The following ZMAT4 variants were observed in gnomAD, a reference collection of about 807,000 sequenced individuals.
The protein encoded by ZMAT4 is zinc finger matrin-type protein 4.
In ZMAT4, 17 loss-of-function variants were observed where a neutral mutation model predicts 28.7. The ratio of observed to expected loss-of-function variants is 0.59; its 90% CI spans 0.41 to 0.89. The LOEUF (loss-of-function observed/expected upper bound fraction) is 0.89. ZMAT4 is among the 40% of genes least tolerant of loss of function. The pLI, the probability that ZMAT4 is intolerant of heterozygous loss-of-function variation, is 0.00. For synonymous variants in ZMAT4, 117 were observed against 109.2 expected, an observed-to-expected ratio of 1.07 and a Z score of -0.44; for missense variants, 240 against 283.8, an observed-to-expected ratio of 0.85 and a Z score of 1.11.
intron 4 of ZMAT4, among the ~76,000 whole-genome samples, chr8:40,693,054 C>A (rs1809723797): frequency 6.6e-6 from 1 of 152,130 alleles, no homozygotes; most frequent in Admixed American, 6.6e-5. Context: ...GCAACTGTAA[C>A]TAGTTAAGCT....
chr8:40,646,781 A>G, intron 5 of ZMAT4, among the ~76,000 whole-genome samples: 1 of 152,204 alleles, frequency 6.6e-6, no homozygotes, highest in South Asian at 2.1e-4. Context: ...TCCACTTTCA[A>G]TATGGATAGA....
At chr8:40,779,883 C>A (rs1813759550) in intron 2 of ZMAT4, among the ~76,000 whole-genome samples, 1 of 152,270 alleles carries the variant, frequency 6.6e-6, no homozygotes, top group Admixed American at 6.5e-5. Context: ...TCAAGGCCAA[C>A]CCGCCGGCAA....
At chr8:40,534,429 A>G (rs1202908331) in intron 6 of ZMAT4, among the ~76,000 whole-genome samples, 1 of 152,200 alleles carries the variant, frequency 6.6e-6, no homozygotes, top group African/African-American at 2.4e-5. Flanking sequence ...ATGTATTTTC[A>G]GAAATTTCTT....
intron 2 of ZMAT4, among the ~76,000 whole-genome samples, chr8:40,779,782 T>C (rs554890137): frequency 1.4e-4 from 22 of 152,282 alleles, no homozygotes; most frequent in African/African-American, 4.8e-4. Flanking sequence ...CAAGCCCAGA[T>C]TGGCAGGAAA....
At chr8:40,806,972 A>G (rs1390336834) in intron 2 of ZMAT4, among the ~76,000 whole-genome samples, 2 of 151,880 alleles carry the variant, frequency 1.3e-5, no homozygotes, top group African/African-American at 2.4e-5. Context: ...CACCTTTAGG[A>G]TCTTATGCTA....
At chr8:40,689,936 A>C (rs1451838297) in intron 4 of ZMAT4, among the ~76,000 whole-genome samples, 1 of 152,148 alleles carries the variant, frequency 6.6e-6, no homozygotes, top group Non-Finnish European at 1.5e-5. Context: ...GAGAAAATCG[A>C]GTTTACGGTA....
At chr8:40,556,406 T>C (rs1585679422) in intron 6 of ZMAT4, among the ~76,000 whole-genome samples, 1 of 152,184 alleles carries the variant, frequency 6.6e-6, no homozygotes, top group South Asian at 2.1e-4. Context: ...GATACCTCCA[T>C]CATCAATCCA....
rs554471831 is a variant in ZMAT4, at chr8:40,641,499, T to C, written c.577+33205A>G. On this transcript the variant is annotated intron_variant, in intron 5 of 6. Transcript: ENST00000297737. Reference sequence around the variant, plus strand: ...ATTCTAAAAAACAGTGTTTTAGTGATTTTATTCTTTTATTTTTTAAGCTAC... The same window carrying C: ...ATTCTAAAAAACAGTGTTTTAGTGACTTTATTCTTTTATTTTTTAAGCTAC... Among the ~76,000 whole-genome samples the C allele has an allele frequency of 2.1e-3, 322 of 152,326 alleles. 1 individual carries two copies. Among genetic ancestry groups the C allele is most frequent in the African/African-American group, 7.2e-3 (301 of 41,574 alleles).
At chr8:40,624,362 A>G (rs1428736562) in intron 5 of ZMAT4, among the ~76,000 whole-genome samples, 2 of 152,212 alleles carry the variant, frequency 1.3e-5, no homozygotes, top group Non-Finnish European at 2.9e-5. Flanking sequence ...CACCAGAACC[A>G]GACCCTGATG....
intron 3 of ZMAT4, among the ~76,000 whole-genome samples, chr8:40,721,919 G>A (rs1026160960): frequency 1.3e-5 from 2 of 151,962 alleles, no homozygotes; most frequent in Non-Finnish European, 2.9e-5. Context: ...AACAAGCAAT[G>A]GGGAAAGGAT....
At chr8:40,765,860 A>G (rs979106500) in intron 3 of ZMAT4, among the ~76,000 whole-genome samples, 1 of 152,214 alleles carries the variant, frequency 6.6e-6, no homozygotes, top group Non-Finnish European at 1.5e-5. Context: ...TGGCTATTAT[A>G]TGAAAGGATT....
chr8:40,861,849 G>T (rs1304076201), intron 1 of ZMAT4, among the ~76,000 whole-genome samples: 2 of 152,124 alleles, frequency 1.3e-5, no homozygotes, highest in Non-Finnish European at 2.9e-5. Flanking sequence ...TCAGAGAAAT[G>T]CAAATCAAAA....
At chr8:40,725,199 A>C (rs1179000098) in intron 3 of ZMAT4, among the ~76,000 whole-genome samples, 1 of 152,092 alleles carries the variant, frequency 6.6e-6, no homozygotes, top group Non-Finnish European at 1.5e-5. Context: ...GTCATCTGGC[A>C]TCAACTTAAA....
chr8:40,553,994 A>G (rs1224101060), intron 6 of ZMAT4, among the ~76,000 whole-genome samples: 2 of 152,280 alleles, frequency 1.3e-5, no homozygotes, highest in Non-Finnish European at 2.9e-5. Flanking sequence ...GAGCATTTTC[A>G]TGGCCACTCA....
intron 6 of ZMAT4, among the ~76,000 whole-genome samples, chr8:40,573,598 T>C (rs1804168660): frequency 1.3e-5 from 2 of 152,202 alleles, no homozygotes; most frequent in South Asian, 2.1e-4. Context: ...AAGGCCATAT[T>C]CTGAGGCTCT....
At chr8:40,629,702 T>C (rs367775192) in intron 5 of ZMAT4, among the ~76,000 whole-genome samples, 1 of 152,016 alleles carries the variant, frequency 6.6e-6, no homozygotes, top group Non-Finnish European at 1.5e-5. Flanking sequence ...TGATGGTTTC[T>C]AGTTTCATCC....
At chr8:40,668,842 G>A (rs1053848794) in intron 5 of ZMAT4, among the ~76,000 whole-genome samples, 3 of 151,086 alleles carry the variant, frequency 2.0e-5, no homozygotes, top group Admixed American at 6.6e-5. Flanking sequence ...CCTGAAATTA[G>A]GAAGTACCTT....
intron 6 of ZMAT4, among the ~76,000 whole-genome samples, chr8:40,563,602 G>GA (rs1803817772): frequency 2.0e-5 from 3 of 151,994 alleles, no homozygotes; most frequent in Admixed American, 2.0e-4. Context: ...ATTTTGAAAT[G>GA]AAAAAACAGA....
At chr8:40,612,805 G>GTTTTT (rs1491257030) in intron 5 of ZMAT4, among the ~76,000 whole-genome samples, 6 of 93,644 alleles carry the variant, frequency 6.4e-5, no homozygotes, top group Admixed American at 1.1e-4. Context: ...CTGTATTTTG[G>GTTTTT]TTTTTGTTTT....
Sources: gnomAD v4.1 joint callset for allele counts (sites outside exome capture counted in the v4.1 genomes callset) on GRCh38, gnomAD v4.1.1 for gene constraint, MANE v1.5 for transcripts, NCBI Gene and HGNC (gene_info 2026-07-23, HGNC 2026-07-21) for gene names.